The following PCDHA4 variants were observed in gnomAD, a reference collection of about 807,000 sequenced individuals.
PCDHA4 encodes the protein protocadherin alpha-4.
PCDHA4 carries 49 observed loss-of-function variants against 61.4 expected under a neutral mutation model. The ratio of observed to expected loss-of-function variants is 0.80; its 90% CI spans 0.63 to 1.01. The LOEUF (loss-of-function observed/expected upper bound fraction) is 1.01, where lower values mean the gene tolerates loss of function less well. Ranked by LOEUF, PCDHA4 falls within the 50% of genes least tolerant of loss-of-function variation. The pLI is 0.00. For missense variants in PCDHA4, 1,254 were observed against 1,235.8 expected (o/e 1.01, Z -0.22); for synonymous variants, 590 against 550.3 (o/e 1.07, Z -1.01).
intron 1 of PCDHA4, chr5:140,862,563 C>T: frequency 2.1e-6 from 1 of 476,978 alleles, no homozygotes; most frequent in Non-Finnish European, 4.3e-6. Context: ...CAGTGAACCA[C>T]AATGCCCTGG....
chr5:140,946,658 A>C (rs2094004902), intron 1 of PCDHA4, among the ~76,000 whole-genome samples: 1 of 147,652 alleles, frequency 6.8e-6, no homozygotes, highest in South Asian at 2.1e-4. Flanking sequence ...CAGCCATTAG[A>C]AAGAATGAAA....
chr5:140,943,005 C>T (rs1383622610), intron 1 of PCDHA4, among the ~76,000 whole-genome samples: 2 of 151,608 alleles, frequency 1.3e-5, no homozygotes, highest in African/African-American at 4.8e-5. Context: ...GCCTGTAATC[C>T]CAGCACTTTG....
intron 1 of PCDHA4, among the ~76,000 whole-genome samples, chr5:140,913,921 C>T (rs782350245): frequency 1.4e-4 from 22 of 152,018 alleles, no homozygotes; most frequent in South Asian, 1.2e-3. Flanking sequence ...AATTTTACTT[C>T]ATTGTGGTCA....
chr5:140,807,082 G>C lies in PCDHA4; in HGVS notation c.-106G>C. 1.6e-6 allele frequency: 2 copies of C among 1,270,088 alleles called. No individual in the cohort carries two copies. Among genetic ancestry groups the C allele is most frequent in the East Asian group, 2.3e-5 (1 of 43,136 alleles). 78.7% of individuals were successfully genotyped at this position (1,270,088 alleles called of 1,614,324 possible). A position where few individuals can be genotyped will look rare whatever the true frequency, so the allele number is the denominator to read the frequency against. On this transcript the variant is annotated 5_prime_UTR_variant, in exon 1 of 4. Coordinates refer to ENST00000530339, the MANE Select transcript of PCDHA4 (RefSeq NM_018907.4). Reference sequence around the variant, plus strand: ...TGGAAGGAACCATATACACTCTTTGGAGTCTGAAATATGGAGGATGCAGCT... The same window carrying C: ...TGGAAGGAACCATATACACTCTTTGCAGTCTGAAATATGGAGGATGCAGCT...
intron 1 of PCDHA4, chr5:140,848,731 T>C: frequency 6.3e-7 from 1 of 1,592,772 alleles, no homozygotes; most frequent in Non-Finnish European, 8.6e-7. Context: ...GAGGTAAATC[T>C]GCAGAATGGC....
In PCDHA4 at chr5:140,885,198, T is replaced by A. The variant is rs531029212; in HGVS notation, c.2385+75626T>A. On this transcript the variant is annotated intron_variant, in intron 1 of 3. Coordinates refer to ENST00000530339, the MANE Select transcript of PCDHA4 (RefSeq NM_018907.4). ...TAGGCACATCAGTGTTCCCCTCTCATATATCCCATGAAAAATATCTTGTGA... is the reference window on the plus strand; with the variant it reads ...TAGGCACATCAGTGTTCCCCTCTCAAATATCCCATGAAAAATATCTTGTGA... Among the ~76,000 whole-genome samples the A allele has an allele frequency of 5.9e-5, 9 of 152,276 alleles. No homozygotes were observed. In the South Asian group the frequency reaches 1.7e-3, roughly 28 times the overall value.
At chr5:140,830,309 G>C (rs2150184814) in intron 1 of PCDHA4, 1 of 1,613,974 alleles carries the variant, frequency 6.2e-7, no homozygotes. Flanking sequence ...GCCCACGCTG[G>C]TGTGCTCCAG....
At chr5:140,869,899 G>T in intron 1 of PCDHA4, 1 of 1,610,464 alleles carries the variant, frequency 6.2e-7, no homozygotes, top group South Asian at 1.1e-5. Flanking sequence ...CAAACTAAAC[G>T]CCACAGACCG....
At position 140,841,776 on chromosome 5, in the gene PCDHA4, T is replaced by G. The variant is rs2150322536; in HGVS notation, c.2385+32204T>G. 1 of 1,613,906 alleles carries G rather than the reference T, an allele frequency of 6.2e-7. No homozygotes were observed. The highest frequency in any genetic ancestry group is 1.1e-5 in the South Asian group (1 of 91,076). On this transcript the variant is annotated intron_variant, in intron 1 of 3. Coordinates refer to ENST00000530339, the MANE Select transcript of PCDHA4 (RefSeq NM_018907.4). ...GAATCCAGAATGCCAGACTCTCGGTTTCCGCTAGAGGGCGCGTCCGATGCA... is the reference window on the plus strand; with the variant it reads ...GAATCCAGAATGCCAGACTCTCGGTGTCCGCTAGAGGGCGCGTCCGATGCA...
chr5:140,980,412 A>G (rs1264059417), intron 2 of PCDHA4, among the ~76,000 whole-genome samples: 4 of 152,302 alleles, frequency 2.6e-5, no homozygotes, highest in Non-Finnish European at 5.9e-5. Flanking sequence ...TGGGCAGATC[A>G]TGAGGTCAAG....
chr5:140,858,007 T>C lies in PCDHA4; in HGVS notation c.2385+48435T>C, dbSNP rs1383838363. 3.1e-6 allele frequency: 5 copies of C among 1,596,728 alleles called. 1 individual carries two copies. Among genetic ancestry groups the C allele is most frequent in the Admixed American group, 1.7e-5 (1 of 59,162 alleles). On this transcript the variant is annotated intron_variant, in intron 1 of 3. Coordinates refer to ENST00000530339, the MANE Select transcript of PCDHA4 (RefSeq NM_018907.4). ...GCCTACTGGTGCTGGTGAAGGACCA[T>C]GGCGAGCCGTCGCTGACGGCCACGG... is the stretch of plus-strand genomic sequence containing the variant.
In PCDHA4 at chr5:140,995,948, C is replaced by T. The variant is rs143431693; in HGVS notation, c.2533+13385C>T. Among the ~76,000 whole-genome samples the T allele has an allele frequency of 4.7e-3, 711 of 152,264 alleles. 7 individuals carry two copies. The highest frequency in any genetic ancestry group is 0.016 in the African/African-American group (645 of 41,554). ...TGTAAGTATTAAATGACATAATGCA[C>T]GCAAAATGCTTAGAACCATGCTTAG... On this transcript the variant is annotated intron_variant, in intron 3 of 3. Transcript: ENST00000530339.
At chr5:140,819,720 A>G (rs1477591315) in intron 1 of PCDHA4, among the ~76,000 whole-genome samples, 2 of 152,136 alleles carry the variant, frequency 1.3e-5, no homozygotes, top group Non-Finnish European at 2.9e-5. Context: ...ATATAATTTA[A>G]CAGATATGAA....
At position 141,000,391 on chromosome 5, in the gene PCDHA4, CTCTCTATA is replaced by C. The variant is rs1374519322; in HGVS notation, c.2534-9234_2534-9227del. Reference sequence around the variant, plus strand: ...TCTCTCTCTCTCTCTCTCTCTCTCTCTCTCTATATATATATATATATATATATATATTT... The same window carrying C: ...TCTCTCTCTCTCTCTCTCTCTCTCTCTATATATATATATATATATATATTT... On this transcript the variant is annotated intron_variant, in intron 3 of 3. Transcript: ENST00000530339. Among the ~76,000 whole-genome samples the C allele has an allele frequency of 7.6e-3, 431 of 56,394 alleles. 1 individual carries two copies. The highest frequency in any genetic ancestry group is 0.013 in the African/African-American group (152 of 11,988). The allele number at this position is 56,394 out of a possible 152,430, so 37.0% of individuals were successfully genotyped here. A position where few individuals can be genotyped will look rare whatever the true frequency, so the allele number is the denominator to read the frequency against.
In PCDHA4 at chr5:140,808,419, G is replaced by A. The variant is rs782218183; in HGVS notation, c.1232G>A (p.Ser411Asn). Residue 411 changes from serine (S) to asparagine (N), a missense_variant, in exon 1 of 4, where the codon AGT becomes AAT. Coordinates refer to ENST00000530339, the MANE Select transcript of PCDHA4 (RefSeq NM_018907.4). ...AATTACTACTCGTTGGTGCTGGACA[G>A]TGCCCTGGACCGCGAGAGCGTGTCA... is the stretch of plus-strand genomic sequence containing the variant. The part of the protein sequence containing the change: ...FKNYYSLVLD[S>N]ALDRESVSAY... The A allele has an allele frequency of 1.2e-6, 2 of 1,614,168 alleles. No individual in the cohort carries two copies. Among genetic ancestry groups the A allele is most frequent in the Non-Finnish European group, 1.7e-6 (2 of 1,180,048 alleles).
chr5:140,851,337 C>G, intron 1 of PCDHA4: 5 of 979,030 alleles, frequency 5.1e-6, no homozygotes, highest in Non-Finnish European at 6.2e-6. Flanking sequence ...TAGTTCTCTA[C>G]ATTTCTCTGG....
intron 1 of PCDHA4, chr5:140,858,724 G>A: frequency 2.0e-6 from 1 of 491,474 alleles, no homozygotes; most frequent in South Asian, 3.0e-5. Flanking sequence ...TTGCAGTTCT[G>A]ACGATTTACT....
Position 140,809,506 on chromosome 5 carries a change from C to T in PCDHA4, c.2319C>T (p.Ser773=), listed in dbSNP as rs1764485255. Residue 773 remains serine, a synonymous_variant, in exon 1 of 4, where the codon AGC becomes AGT. Transcript: ENST00000530339. The part of the protein sequence containing the change: ...GPPKTDLMAF[S]PSLPDSRDRE... The stretch of plus-strand genomic sequence containing the variant: ...CCAAGACCGACCTCATGGCCTTCAG[C>T]CCCAGTTTACCTGACTCTAGGGACA... 6.2e-7 allele frequency: 1 copy of T among 1,614,088 alleles called. No individual in the cohort carries two copies. The highest frequency in any genetic ancestry group is 8.5e-7 in the Non-Finnish European group (1 of 1,180,028).
intron 1 of PCDHA4, among the ~76,000 whole-genome samples, chr5:140,921,752 C>T (rs1429216387): frequency 6.6e-6 from 1 of 152,130 alleles, no homozygotes; most frequent in Non-Finnish European, 1.5e-5. Context: ...TAACAGGACA[C>T]TTCTTGGCTA....
Sources: gnomAD v4.1 joint callset for allele counts (sites outside exome capture counted in the v4.1 genomes callset) on GRCh38, gnomAD v4.1.1 for gene constraint, MANE v1.5 for transcripts, NCBI Gene and HGNC (gene_info 2026-07-23, HGNC 2026-07-21) for gene names.